SIRPA: variants seen among roughly 807,000 people sequenced by gnomAD.
The protein encoded by SIRPA is signal regulatory protein alpha.
SIRPA carries 9 observed loss-of-function variants against 50.3 expected under a neutral mutation model. The observed-to-expected ratio is 0.18, with a 90% confidence interval of 0.11 to 0.31. SIRPA has a LOEUF of 0.31. Ranked by LOEUF, SIRPA falls within the 10% of genes least tolerant of loss-of-function variation. The pLI, the probability that SIRPA is intolerant of heterozygous loss-of-function variation, is 1.00. For synonymous variants in SIRPA, 265 were observed against 284.1 expected, an observed-to-expected ratio of 0.93 and a Z score of 0.68; for missense variants, 474 against 661.6, an observed-to-expected ratio of 0.72 and a Z score of 3.11.
intron 4 of SIRPA, among the ~76,000 whole-genome samples, chr20:1,923,374 C>T (rs1600439377): frequency 6.6e-6 from 1 of 152,356 alleles, no homozygotes; most frequent in East Asian, 1.9e-4. Flanking sequence ...GTGGCTGATG[C>T]CCTGTACATA....
rs559352899 is a variant in SIRPA, at chr20:1,924,031, C to A, written c.1088-733C>A. 6.6e-6 allele frequency among the ~76,000 whole-genome samples: 1 copy of A among 151,782 alleles called. No homozygotes were observed. Among genetic ancestry groups the A allele is most frequent in the Non-Finnish European group, 1.5e-5 (1 of 67,864 alleles). Reference sequence around the variant, plus strand: ...TTGGTTGGTTGGTTGGTTACATAATCCTTAGTTAGCCAATGAGGTAGAGAT... The same window carrying A: ...TTGGTTGGTTGGTTGGTTACATAATACTTAGTTAGCCAATGAGGTAGAGAT... On this transcript the variant is annotated intron_variant, in intron 4 of 7. Transcript: ENST00000358771. This position sits in a 1 kb window ranked among gnomAD's most constrained non-coding sequence, Gnocchi z 4.5.
chr20:1,914,835 G>A (rs1375318766), intron 1 of SIRPA, among the ~76,000 whole-genome samples: 2 of 123,946 alleles, frequency 1.6e-5, no homozygotes, highest in Non-Finnish European at 3.4e-5. Flanking sequence ...CAGCTCAGAT[G>A]TGACTCTTCC....
chr20:1,906,117 C>T (rs1600401261), intron 1 of SIRPA, among the ~76,000 whole-genome samples: 1 of 152,136 alleles, frequency 6.6e-6, no homozygotes, highest in East Asian at 1.9e-4. Context: ...GTTTCATCCT[C>T]AGAACAACCC....
rs1983919017 is a variant in SIRPA, at chr20:1,897,770, T to G, written c.79+2244T>G. On this transcript the variant is annotated intron_variant, in intron 1 of 7. Coordinates refer to ENST00000358771, the MANE Select transcript of SIRPA (RefSeq NM_001040023.2). ...GTGGGGCCAATCATGTGAATTATCC[T>G]GGGTGGGGGAGGCAAGAGAAGAAGT... Among the ~76,000 whole-genome samples, 2 of 150,576 alleles carry G rather than the reference T, an allele frequency of 1.3e-5. 1 individual carries two copies. Among genetic ancestry groups the G allele is most frequent in the South Asian group, 4.2e-4 (2 of 4,714 alleles).
intron 1 of SIRPA, among the ~76,000 whole-genome samples, chr20:1,910,424 A>G (rs558097911): frequency 6.6e-6 from 1 of 152,236 alleles, no homozygotes; most frequent in Non-Finnish European, 1.5e-5. Flanking sequence ...TAATAAGAAA[A>G]CATGCCGACC....
At chr20:1,915,513 A>G in intron 2 of SIRPA, 58 bp downstream of exon 2, 3 of 1,575,140 alleles carry the variant, frequency 1.9e-6, no homozygotes, top group Middle Eastern at 3.4e-4. Context: ...CAATAATAAC[A>G]CCCTCCATTC....
Position 1,915,397 on chromosome 20 carries a change from A to G in SIRPA, c.378A>G (p.Lys126=), listed in dbSNP as rs755695525. 2 of 1,591,190 alleles carry G rather than the reference A, an allele frequency of 1.3e-6. No homozygotes were observed. Among genetic ancestry groups the G allele is most frequent in the Admixed American group, 3.5e-5 (2 of 57,404 alleles). Residue 126 remains lysine, a synonymous_variant, in exon 2 of 8, where the codon AAA becomes AAG. Coordinates refer to ENST00000358771, the MANE Select transcript of SIRPA (RefSeq NM_001040023.2). ...CCTACTACTGTGTGAAGTTCCGGAA[A>G]GGGAGCCCCGATGACGTGGAGTTTA... ...AGTYYCVKFR[K]GSPDDVEFKS... is the part of the protein sequence containing the mutation.
intron 1 of SIRPA, among the ~76,000 whole-genome samples, chr20:1,913,979 C>T (rs1277814956): frequency 6.6e-6 from 1 of 152,150 alleles, no homozygotes; most frequent in Non-Finnish European, 1.5e-5. Context: ...CAATTCCTTC[C>T]AGCTGCCCAT....
chr20:1,895,375 C>A, upstream of SIRPA: 1 of 910,522 alleles, frequency 1.1e-6, no homozygotes, highest in Non-Finnish European at 1.5e-6. Context: ...TTAGTCATTT[C>A]CCCGCTCCAG....
In SIRPA at chr20:1,927,888, T is replaced by C; in HGVS notation, c.1215T>C (p.Thr405=). The part of the protein sequence containing the change: ...RIRQKKAQGS[T]SSTRLHEPEK... ...TTTGTCTTTCAGCCCAGGGCTCCAC[T>C]TCTTCTACAAGGTAAGTGCATCATT... The change falls in exon 6 of 8, where the codon ACT becomes ACC. Residue 405 remains threonine, a synonymous_variant. Coordinates refer to ENST00000358771, the MANE Select transcript of SIRPA (RefSeq NM_001040023.2). This position sits in a 1 kb window ranked among gnomAD's most constrained non-coding sequence, Gnocchi z 6.5. The C allele has an allele frequency of 6.2e-7, 1 of 1,613,960 alleles. No individual in the cohort carries two copies. Among genetic ancestry groups the C allele is most frequent in the Non-Finnish European group, 8.5e-7 (1 of 1,179,792 alleles).
In SIRPA at chr20:1,922,704, T is replaced by A. The variant is rs990313331; in HGVS notation, c.1087+59T>A. On this transcript the variant is annotated intron_variant, in intron 4 of 7. Coordinates refer to ENST00000358771, the MANE Select transcript of SIRPA (RefSeq NM_001040023.2). ...TAAACTTTTAGTTTTGTGGGTTTTT[T>A]AAATGTTAAAAGTAGTAATTCATGC... 6 of 1,512,900 alleles carry A rather than the reference T, an allele frequency of 4.0e-6. No homozygotes were observed. The African/African-American group carries it at 8.4e-5, about 21-fold the overall frequency. 93.7% of individuals were successfully genotyped at this position (1,512,900 alleles called of 1,614,324 possible).
rs78278444 is a variant in SIRPA at position 1,924,650 on chromosome 20, T to C, written c.1088-114T>C. 758 of 821,236 alleles carry C rather than the reference T, an allele frequency of 9.2e-4. 9 individuals carry two copies. In the East Asian group the frequency reaches 0.017, roughly 18 times the overall value. The allele number at this position is 821,236 out of a possible 1,614,324, so 50.9% of individuals were successfully genotyped here. On this transcript the variant is annotated intron_variant, in intron 4 of 7. Transcript: ENST00000358771. This position sits in a 1 kb window ranked among gnomAD's most constrained non-coding sequence, Gnocchi z 4.5. ...ATGTGGCTCGAGACATCTAAGAAGG[T>C]CCAGCCAGATGTTCTCAGTTAATGA...
intron 2 of SIRPA, among the ~76,000 whole-genome samples, chr20:1,917,896 C>T (rs1305781825): frequency 1.3e-5 from 2 of 152,144 alleles, no homozygotes; most frequent in Admixed American, 1.3e-4. Context: ...CTCCCTAGAA[C>T]TGCATGAAGT....
chr20:1,924,812 T>C lies in SIRPA; in HGVS notation c.1136T>C (p.Val379Ala). ...ERNIYIVVGV[V>A]CTLLVALLMA... ...AACATCTATATTGTGGTGGGTGTGG[T>C]GTGCACCTTGCTGGTGGCCCTACTG... is the stretch of plus-strand genomic sequence containing the variant. The change falls in exon 5 of 8, where the codon GTG becomes GCG. Residue 379 changes from valine (V) to alanine (A), a missense_variant. By Grantham distance (64) the Val-to-Ala change is moderately conservative. This residue lies in a region of SIRPA where 180 missense variants were observed against 206.7 expected (regional missense o/e 0.87). Transcript: ENST00000358771. The surrounding 1 kb of genome is among the most constrained non-coding windows in gnomAD (Gnocchi z 4.5). The C allele has an allele frequency of 6.2e-7, 1 of 1,614,190 alleles. No individual in the cohort carries two copies. Among genetic ancestry groups the C allele is most frequent in the East Asian group, 2.2e-5 (1 of 44,890 alleles).
At chr20:1,914,662 C>G (rs1444911726) in intron 1 of SIRPA, among the ~76,000 whole-genome samples, 1 of 151,828 alleles carries the variant, frequency 6.6e-6, no homozygotes, top group Non-Finnish European at 1.5e-5. Flanking sequence ...TGAGTACAGC[C>G]TCCCTTCTCG....
At chr20:1,901,724 CT>C (rs1984222800) in intron 1 of SIRPA, among the ~76,000 whole-genome samples, 1 of 152,180 alleles carries the variant, frequency 6.6e-6, no homozygotes, top group African/African-American at 2.4e-5. Flanking sequence ...GTCGGAAATG[CT>C]GCAGAATTGG....
At position 1,895,469 on chromosome 20, in the gene SIRPA, C is replaced by G; in HGVS notation, c.22C>G (p.Pro8Ala). The change falls in exon 1 of 8, where the codon CCC becomes GCC. Residue 8 changes from proline to alanine, a missense_variant. Physicochemically the swap from Pro to Ala is conservative, Grantham distance 27 (BLOSUM62 -1). Coordinates refer to ENST00000358771, the MANE Select transcript of SIRPA (RefSeq NM_001040023.2). MEPAGPA[P>A]GRLGPLLCLL... ...GCCCATGGAGCCCGCCGGCCCGGCC[C>G]CCGGCCGCCTCGGGCCGCTGCTCTG... 3 of 1,431,486 alleles carry G rather than the reference C, an allele frequency of 2.1e-6. No individual in the cohort carries two copies. The highest frequency in any genetic ancestry group is 2.7e-6 in the Non-Finnish European group (3 of 1,098,790). The allele number at this position is 1,431,486 out of a possible 1,614,324, so 88.7% of individuals were successfully genotyped here.
In SIRPA at chr20:1,934,916, TC is replaced by T. The variant is rs1231929848; in HGVS notation, c.1266+163del. 8.9e-5 allele frequency: 68 copies of T among 762,982 alleles called. No individual in the cohort carries two copies. The highest frequency in any genetic ancestry group is 1.3e-4 in the Non-Finnish European group (60 of 463,436). 47.3% of individuals were successfully genotyped at this position (762,982 alleles called of 1,614,324 possible). On this transcript the variant is annotated intron_variant, in intron 7 of 7. Coordinates refer to ENST00000358771, the MANE Select transcript of SIRPA (RefSeq NM_001040023.2). This position sits in a 1 kb window ranked among gnomAD's most constrained non-coding sequence, Gnocchi z 4.6. Reference sequence around the variant, plus strand: ...CCCCATGTCCTGTGCATATTCCTTCTCTCTACTGCAGCCAAGAGTGGCTGTT... The same window carrying T: ...CCCCATGTCCTGTGCATATTCCTTCTTCTACTGCAGCCAAGAGTGGCTGTT...
chr20:1,927,848 C>A lies in SIRPA; in HGVS notation c.1202-27C>A. The A allele has an allele frequency of 6.2e-7, 1 of 1,612,250 alleles. No homozygotes were observed. Among genetic ancestry groups the A allele is most frequent in the Non-Finnish European group, 8.5e-7 (1 of 1,178,240 alleles). The stretch of plus-strand genomic sequence containing the variant: ...GAAAAGTGTGCTTCTAGTTAAACAA[C>A]TGGCTTTTGTTTCTTTTGTCTTTCA... On this transcript the variant is annotated intron_variant, in intron 5 of 7. Coordinates refer to ENST00000358771, the MANE Select transcript of SIRPA (RefSeq NM_001040023.2). The surrounding 1 kb of genome is among the most constrained non-coding windows in gnomAD (Gnocchi z 6.5).
Sources: gnomAD v4.1 joint callset for allele counts (sites outside exome capture counted in the v4.1 genomes callset) on GRCh38, gnomAD v4.1.1 for gene constraint, gnomAD v4.1.1 regional missense constraint, Gnocchi (gnomAD v3.1) non-coding constraint, MANE v1.5 for transcripts, NCBI Gene and HGNC (gene_info 2026-07-23, HGNC 2026-07-21) for gene names.